STK32B: variants seen among roughly 807,000 people sequenced by gnomAD.
STK32B encodes serine/threonine kinase 32B.
In STK32B, 43 loss-of-function variants were observed where a neutral mutation model predicts 52.6. The observed-to-expected ratio is 0.82, with a 90% CI of 0.64 to 1.05. The LOEUF (loss-of-function observed/expected upper bound fraction) is 1.05. Among genes scored for constraint, STK32B ranks in the 50% least tolerant of loss-of-function variants. The pLI is 0.00. For missense variants in STK32B, 621 were observed against 534.6 expected (o/e 1.16, Z -1.59); for synonymous variants, 238 against 204.3 (o/e 1.17, Z -1.41).
At chr4:5,494,337 C>A (rs556493785) in intron 11 of STK32B, among the ~76,000 whole-genome samples, 1 of 152,032 alleles carries the variant, frequency 6.6e-6, no homozygotes, top group Admixed American at 6.5e-5. Flanking sequence ...TATGTAATGG[C>A]CTTGTCTCTT....
chr4:5,187,000 G>A (rs906527144), intron 3 of STK32B, among the ~76,000 whole-genome samples: 3 of 152,230 alleles, frequency 2.0e-5, no homozygotes, highest in African/African-American at 7.2e-5. Context: ...CTGTTCAGAG[G>A]GCTGCATGAG....
chr4:5,257,670 G>A (rs1726419034), intron 3 of STK32B, among the ~76,000 whole-genome samples: 1 of 152,242 alleles, frequency 6.6e-6, no homozygotes, highest in East Asian at 1.9e-4. Flanking sequence ...GCTGGGCATG[G>A]TGGCTCAAGC....
chr4:5,365,842 G>A (rs1734840733), intron 4 of STK32B, among the ~76,000 whole-genome samples: 1 of 152,226 alleles, frequency 6.6e-6, no homozygotes, highest in Non-Finnish European at 1.5e-5. Context: ...GTGTTTGCAT[G>A]TCACAAAGGT....
rs552835432 is a variant in STK32B, at chr4:5,406,004, C to T, written c.472+7760C>T. Among the ~76,000 whole-genome samples, 3 of 152,276 alleles carry T rather than the reference C, an allele frequency of 2.0e-5. No individual in the cohort carries two copies. In the East Asian group the frequency reaches 5.8e-4, roughly 29 times the overall value. ...TCCAAAGTCTCATCTGAGACAATAC[C>T]AGTAACTTCCACCTATGAGTCTGTA... On this transcript the variant is annotated intron_variant, in intron 5 of 11. Coordinates refer to ENST00000282908, the MANE Select transcript of STK32B (RefSeq NM_018401.3).
chr4:5,385,988 CCCCCACCCATGG>C (rs1170389170), intron 4 of STK32B, among the ~76,000 whole-genome samples: 1 of 133,016 alleles, frequency 7.5e-6, no homozygotes, highest in Non-Finnish European at 1.6e-5. Flanking sequence ...CCACCCACAG[CCCCCACCCATGG>C]CCCCACCCAC....
At position 5,500,337 on chromosome 4, in the gene STK32B, G is replaced by A. The variant is rs1160052423; in HGVS notation, c.*1254G>A. 1 of 152,192 alleles carries A rather than the reference G, an allele frequency of 6.6e-6. No individual in the cohort carries two copies. Among genetic ancestry groups the A allele is most frequent in the Non-Finnish European group, 1.5e-5 (1 of 68,040 alleles). The allele number at this position is 152,192 out of a possible 1,614,324, so 9.4% of individuals were successfully genotyped here. A position where few individuals can be genotyped will look rare whatever the true frequency, so the allele number is the denominator to read the frequency against. Reference sequence around the variant, plus strand: ...GTTACAGGGTTAAATAAGATCCTGTGTGTAACCCCAAGCATTGGATGACTC... The same window carrying A: ...GTTACAGGGTTAAATAAGATCCTGTATGTAACCCCAAGCATTGGATGACTC... On this transcript the variant is annotated 3_prime_UTR_variant, in exon 12 of 12. Transcript: ENST00000282908.
chr4:5,302,215 A>AT (rs35295959), intron 3 of STK32B, among the ~76,000 whole-genome samples: 20,902 of 151,720 alleles, frequency 0.14, 2,894 homozygotes, highest in African/African-American at 0.36. Flanking sequence ...ATTGTAAAAA[A>AT]AAAAATCACA....
In STK32B at chr4:5,369,884, GT is replaced by G. The variant is rs201188066; in HGVS notation, c.435-28314del. Among the ~76,000 whole-genome samples, 5 of 150,226 alleles carry G rather than the reference GT, an allele frequency of 3.3e-5. No homozygotes were observed. In the South Asian group the frequency reaches 6.3e-4, roughly 19 times the overall value. Reference sequence around the variant, plus strand: ...GTATATTTTTTTTGTTTGTTTGTTTGTTTTTTTTTGAGACGGCGTCTTGCTC... The same window carrying G: ...GTATATTTTTTTTGTTTGTTTGTTTGTTTTTTTTGAGACGGCGTCTTGCTC... On this transcript the variant is annotated intron_variant, in intron 4 of 11. Transcript: ENST00000282908.
chr4:5,364,344 A>G (rs981608836), intron 4 of STK32B, among the ~76,000 whole-genome samples: 1 of 152,052 alleles, frequency 6.6e-6, no homozygotes, highest in Admixed American at 6.5e-5. Flanking sequence ...CCTCAGTGAA[A>G]GAGAGAGAGA....
chr4:5,216,684 T>C (rs760377082), intron 3 of STK32B, among the ~76,000 whole-genome samples: 1 of 152,140 alleles, frequency 6.6e-6, no homozygotes, highest in Non-Finnish European at 1.5e-5. Flanking sequence ...GTGTGATGGA[T>C]GTGCAGAACA....
chr4:5,442,638 C>T (rs1261778025), intron 6 of STK32B, among the ~76,000 whole-genome samples: 1 of 151,792 alleles, frequency 6.6e-6, no homozygotes, highest in Non-Finnish European at 1.5e-5. Flanking sequence ...TGAATTTGAT[C>T]CTGTCATGAT....
chr4:5,191,239 T>C (rs1721177596), intron 3 of STK32B, among the ~76,000 whole-genome samples: 1 of 150,888 alleles, frequency 6.6e-6, no homozygotes, highest in Non-Finnish European at 1.5e-5. Flanking sequence ...GCCTCTGCCT[T>C]GCCTTATCCT....
At chr4:5,173,722 A>C (rs1384896641) in intron 3 of STK32B, among the ~76,000 whole-genome samples, 1 of 151,974 alleles carries the variant, frequency 6.6e-6, no homozygotes, top group African/African-American at 2.4e-5. Context: ...CTTTACTTCC[A>C]ACTATGTGGT....
intron 1 of STK32B, among the ~76,000 whole-genome samples, chr4:5,068,154 A>T (rs1021004827): frequency 3.9e-5 from 6 of 152,156 alleles, no homozygotes; most frequent in Non-Finnish European, 8.8e-5. Context: ...TTAACTTTCA[A>T]TGGCAAAAAC....
intron 6 of STK32B, among the ~76,000 whole-genome samples, chr4:5,444,612 A>T (rs1025642054): frequency 1.3e-5 from 2 of 152,148 alleles, no homozygotes; most frequent in Non-Finnish European, 2.9e-5. Context: ...CTATTCGGCC[A>T]TCTTGGCTCC....
chr4:5,181,973 T>C (rs1720400762), intron 3 of STK32B, among the ~76,000 whole-genome samples: 4 of 152,244 alleles, frequency 2.6e-5, no homozygotes, highest in Admixed American at 2.6e-4. Context: ...AGAAATACAG[T>C]CAATCCTTTA....
chr4:5,146,131 T>G (rs1716896754), intron 2 of STK32B, among the ~76,000 whole-genome samples: 2 of 151,918 alleles, frequency 1.3e-5, no homozygotes, highest in African/African-American at 2.4e-5. Flanking sequence ...ACGACGATTG[T>G]CTAGAGGGAC....
intron 3 of STK32B, among the ~76,000 whole-genome samples, chr4:5,303,978 A>G (rs1414174135): frequency 6.6e-6 from 1 of 152,128 alleles, no homozygotes; most frequent in Non-Finnish European, 1.5e-5. Context: ...GTCAAAGATC[A>G]GTTGGCTATA....
intron 1 of STK32B, among the ~76,000 whole-genome samples, chr4:5,057,008 C>T (rs1742034071): frequency 6.6e-6 from 1 of 152,220 alleles, no homozygotes; most frequent in Non-Finnish European, 1.5e-5. Flanking sequence ...TTTGATTCCA[C>T]ATCCACCTTT....
Sources: gnomAD v4.1 joint callset for allele counts (sites outside exome capture counted in the v4.1 genomes callset) on GRCh38, gnomAD v4.1.1 for gene constraint, MANE v1.5 for transcripts, NCBI Gene and HGNC (gene_info 2026-07-23, HGNC 2026-07-21) for gene names.